The following IMPA1 variants were observed in gnomAD, a reference collection of about 807,000 sequenced individuals.
IMPA1 encodes D-galactose 1-phosphate phosphatase.
Under a neutral mutation model 34.9 loss-of-function variants are expected in IMPA1, and 21 were observed. The observed-to-expected ratio is 0.60, with a 90% confidence interval of 0.43 to 0.87. The LOEUF is 0.87. Among genes scored for constraint, IMPA1 ranks in the 40% least tolerant of loss-of-function variants. The pLI, the probability that IMPA1 is intolerant of heterozygous loss-of-function variation, is 0.00. For synonymous variants in IMPA1, 95 were observed against 104.4 expected (o/e 0.91, Z 0.55); for missense variants, 299 against 336.4 (o/e 0.89, Z 0.87).
intron 1 of IMPA1, among the ~76,000 whole-genome samples, chr8:81,685,103 T>C (rs1298761163): frequency 1.5e-5 from 2 of 136,238 alleles, no homozygotes; most frequent in African/African-American, 2.7e-5. Flanking sequence ...ATTTAGATAC[T>C]ATATATAGTA....
chr8:81,664,030 T>C (rs984277302), intron 7 of IMPA1, among the ~76,000 whole-genome samples: 1 of 151,364 alleles, frequency 6.6e-6, no homozygotes. Context: ...AGAGACTCCG[T>C]CTCAGAAAAA....
At chr8:81,675,329 T>G (rs1316467052) in intron 5 of IMPA1, among the ~76,000 whole-genome samples, 3 of 150,934 alleles carry the variant, frequency 2.0e-5, no homozygotes, top group Middle Eastern at 3.2e-3. Flanking sequence ...CCTGCTGTTA[T>G]GAAGATTTTC....
At chr8:81,668,335 A>G (rs1250674929) in intron 7 of IMPA1, among the ~76,000 whole-genome samples, 1 of 152,212 alleles carries the variant, frequency 6.6e-6, no homozygotes, top group African/African-American at 2.4e-5. Flanking sequence ...CTATAATGCC[A>G]GCATTTTGGG....
In IMPA1 at chr8:81,659,445, G is replaced by A. The variant is rs1211502902; in HGVS notation, c.740C>T (p.Ser247Leu). The A allele has an allele frequency of 1.2e-6, 2 of 1,605,310 alleles. No homozygotes were observed. Among genetic ancestry groups the A allele is most frequent in the Non-Finnish European group, 1.7e-6 (2 of 1,172,900 alleles). Residue 247 changes from serine to leucine, a missense_variant, in exon 9 of 9, where the codon TCA becomes TTA. Ser to Leu is a moderately radical substitution (Grantham distance 145). Coordinates refer to ENST00000256108, the MANE Select transcript of IMPA1 (RefSeq NM_005536.4). ...DVTGGPFDLM[S>L]RRVIAANNRI... ...ATTATTTGCAGCAATTACTCTTCGT[G>A]ACATCAAATCAAATGGTCCACCTAA...
intron 1 of IMPA1, among the ~76,000 whole-genome samples, chr8:81,685,376 CTATA>C (rs1383329465): frequency 1.5e-5 from 2 of 136,156 alleles, no homozygotes; most frequent in Admixed American, 7.7e-5. Flanking sequence ...TATTTATGTA[CTATA>C]TATAAGTATA....
chr8:81,661,804 C>G (rs993239236), intron 7 of IMPA1, among the ~76,000 whole-genome samples: 3 of 152,156 alleles, frequency 2.0e-5, no homozygotes, highest in Non-Finnish European at 4.4e-5. Context: ...GACACACACG[C>G]TGAAATGTGT....
At chr8:81,684,963 GTATAGTATA>G in intron 1 of IMPA1, among the ~76,000 whole-genome samples, 1 of 92,446 alleles carries the variant, frequency 1.1e-5, no homozygotes, top group East Asian at 4.7e-4. Context: ...TAGATACTAT[GTATAGTATA>G]TATACTATAC....
At chr8:81,680,590 G>T (rs1053351842) in intron 3 of IMPA1, 60 bp downstream of exon 3, 46 of 1,320,382 alleles carry the variant, frequency 3.5e-5, no homozygotes, top group Non-Finnish European at 4.6e-5. Context: ...ACTCTCATAT[G>T]CAGAACCCCA....
rs1333847604 is a variant in IMPA1, at chr8:81,670,956, A to G, written c.549T>C (p.Phe183=). The change falls in exon 7 of 9, where the codon TTT becomes TTC. Residue 183 remains phenylalanine (F), a synonymous_variant. Coordinates refer to ENST00000256108, the MANE Select transcript of IMPA1 (RefSeq NM_005536.4). ...GAGCTTACCCATGAACAGGAATGCA[A>G]AAAAGCTTTTCCATATTAGAAAGAA... is the stretch of plus-strand genomic sequence containing the variant. ...RMVLSNMEKL[F]CIPVHGIRSV... The G allele has an allele frequency of 2.0e-6, 3 of 1,529,966 alleles. No homozygotes were observed. The highest frequency in any genetic ancestry group is 1.3e-5 in the South Asian group (1 of 76,590). 94.8% of individuals were successfully genotyped at this position (1,529,966 alleles called of 1,614,324 possible).
chr8:81,685,900 C>T, intron 1 of IMPA1: 1 of 1,546,064 alleles, frequency 6.5e-7, no homozygotes, highest in Non-Finnish European at 8.7e-7. Context: ...AGCACAGGAC[C>T]TGGGCGCTGC....
chr8:81,660,609 C>T lies in IMPA1; in HGVS notation c.625G>A (p.Asp209Asn), dbSNP rs776498442. ...TGAATTCCCATTTCATAATATGCAT[C>T]TGCTCCGCCAGTTGCCACAAGGCAC... ...NMCLVATGGADAYYEMGIHCW... is the reference protein window; with the variant it reads ...NMCLVATGGANAYYEMGIHCW... The change falls in exon 8 of 9, where the codon GAT becomes AAT. Residue 209 changes from aspartate (D) to asparagine (N), a missense_variant. Coordinates refer to ENST00000256108, the MANE Select transcript of IMPA1 (RefSeq NM_005536.4). 6.2e-7 allele frequency: 1 copy of T among 1,613,504 alleles called. No homozygotes were observed. Among genetic ancestry groups the T allele is most frequent in the Non-Finnish European group, 8.5e-7 (1 of 1,179,464 alleles).
At chr8:81,683,379 T>G (rs149218186) in intron 1 of IMPA1, among the ~76,000 whole-genome samples, 1 of 152,160 alleles carries the variant, frequency 6.6e-6, no homozygotes, top group Non-Finnish European at 1.5e-5. Context: ...GGATACCTGA[T>G]GATTGGCTGA....
intron 7 of IMPA1, among the ~76,000 whole-genome samples, chr8:81,662,694 G>C (rs1806713121): frequency 6.6e-6 from 1 of 152,164 alleles, no homozygotes; most frequent in African/African-American, 2.4e-5. Context: ...ATTTACTTTA[G>C]ACAAATGTAC....
At chr8:81,683,353 G>A (rs969692515) in intron 1 of IMPA1, among the ~76,000 whole-genome samples, 1 of 152,172 alleles carries the variant, frequency 6.6e-6, no homozygotes, top group Admixed American at 6.5e-5. Flanking sequence ...TTTACATTCA[G>A]GATGCAGTAG....
chr8:81,672,757 A>G (rs1807023576), intron 6 of IMPA1, among the ~76,000 whole-genome samples: 1 of 152,240 alleles, frequency 6.6e-6, no homozygotes. Flanking sequence ...GAAAGAACTT[A>G]AATTGCCATT....
rs750954150 is a variant in IMPA1 at position 81,679,222 on chromosome 8, C to T, written c.206G>A (p.Gly69Asp). ...KEKYPSHSFI[G>D]EESVAAGEKS... ...TTCCCCAGCTGCCACAGATTCTTCA[C>T]CAATGAAACTAAAAGCCAAGTAGGA... Residue 69 changes from glycine to aspartate, a missense_variant, in exon 4 of 9, where the codon GGT (glycine) becomes GAT (aspartate). Transcript: ENST00000256108. 2 of 1,611,854 alleles carry T rather than the reference C, an allele frequency of 1.2e-6. No individual in the cohort carries two copies. The highest frequency in any genetic ancestry group is 8.5e-7 in the Non-Finnish European group (1 of 1,177,992).
chr8:81,684,263 A>G (rs1807399354), intron 1 of IMPA1, among the ~76,000 whole-genome samples: 1 of 143,510 alleles, frequency 7.0e-6, no homozygotes, highest in South Asian at 2.1e-4. Flanking sequence ...GATACTATAT[A>G]TAGTATACCA....
In IMPA1 at chr8:81,659,135, G is replaced by A; in HGVS notation, c.*216C>T. 1.8e-6 allele frequency: 1 copy of A among 547,290 alleles called. No individual in the cohort carries two copies. The highest frequency in any genetic ancestry group is 3.2e-6 in the Non-Finnish European group (1 of 310,354). 33.9% of individuals were successfully genotyped at this position (547,290 alleles called of 1,614,324 possible). On this transcript the variant is annotated 3_prime_UTR_variant, in exon 9 of 9. Transcript: ENST00000256108. ...GTACTTCCTGGGTATGTTTCCTAAA[G>A]TACATTCTTACATGCAAAATTTTTT...
Position 81,659,098 on chromosome 8 carries a change from T to C in IMPA1, c.*253A>G, listed in dbSNP as rs1365628878. ...TAATTGACTATTTCAGTTGATGTTA[T>C]ATTTATCAACTGTACTTCCTGGGTA... On this transcript the variant is annotated 3_prime_UTR_variant, in exon 9 of 9. Coordinates refer to ENST00000256108, the MANE Select transcript of IMPA1 (RefSeq NM_005536.4). 3 of 460,758 alleles carry C rather than the reference T, an allele frequency of 6.5e-6. No homozygotes were observed. Among genetic ancestry groups the C allele is most frequent in the Admixed American group, 4.1e-5 (1 of 24,292 alleles). The allele number at this position is 460,758 out of a possible 1,614,324, so 28.5% of individuals were successfully genotyped here.
Sources: gnomAD v4.1 joint callset for allele counts (sites outside exome capture counted in the v4.1 genomes callset) on GRCh38, gnomAD v4.1.1 for gene constraint, MANE v1.5 for transcripts, NCBI Gene and HGNC (gene_info 2026-07-23, HGNC 2026-07-21) for gene names.